Variants in L3MBTL2 observed in about 807,000 individuals in gnomAD.
The protein encoded by L3MBTL2 is lethal(3)malignant brain tumor-like protein 2.
L3MBTL2 carries 49 observed loss-of-function variants against 86.4 expected under a neutral mutation model. The ratio of observed to expected loss-of-function variants is 0.57; its 90% CI spans 0.45 to 0.72. The LOEUF (loss-of-function observed/expected upper bound fraction) is 0.72. Among genes scored for constraint, L3MBTL2 ranks in the 30% least tolerant of loss-of-function variants. L3MBTL2 has a pLI of 0.00. For missense variants in L3MBTL2, 755 were observed against 923.7 expected, an observed-to-expected ratio of 0.82 and a Z score of 2.37; for synonymous variants, 336 against 350.6, an observed-to-expected ratio of 0.96 and a Z score of 0.47.
chr22:41,228,558 TTGAG>T, intron 15 of L3MBTL2: 1 of 983,928 alleles, frequency 1.0e-6, no homozygotes, highest in Non-Finnish European at 1.2e-6. Context: ...AGGGTTAAGA[TTGAG>T]TGAGGCGGCC....
rs2032207983 is a variant in L3MBTL2 at position 41,226,714 on chromosome 22, G to A, written c.1557G>A (p.Ser519=). The change falls in exon 13 of 17, where the codon TCG becomes TCA. Residue 519 remains serine, a synonymous_variant. Transcript: ENST00000216237. ...NWENYLEKTK[S]KAAPSRLFNM... is the part of the protein sequence containing the mutation. ...AGAACTACTTGGAGAAGACCAAGTC[G>A]AAAGCCGCTCCATCGAGACTCTTTA... 3 of 1,613,978 alleles carry A rather than the reference G, an allele frequency of 1.9e-6. No homozygotes were observed. The highest frequency in any genetic ancestry group is 4.5e-5 in the East Asian group (2 of 44,892).
At position 41,205,336 on chromosome 22, in the gene L3MBTL2, G is replaced by C. The variant is rs2030110932; in HGVS notation, c.-27G>C. 6.2e-7 allele frequency: 1 copy of C among 1,613,988 alleles called. No homozygotes were observed. The highest frequency in any genetic ancestry group is 1.7e-5 in the Admixed American group (1 of 59,972). On this transcript the variant is annotated 5_prime_UTR_variant, in exon 1 of 17. Transcript: ENST00000216237. ...CAGGCCAATATGGCTTCCTGCACCT[G>C]GTGACGCTTGGCGAAACTGAGGTCT...
At chr22:41,220,406 A>G (rs1367284679) in intron 6 of L3MBTL2, among the ~76,000 whole-genome samples, 1 of 151,316 alleles carries the variant, frequency 6.6e-6, no homozygotes, top group African/African-American at 2.4e-5. Context: ...ACCTTCCCCA[A>G]GCTAGGCCCG....
chr22:41,221,182 T>C lies in L3MBTL2; in HGVS notation c.854-17T>C, dbSNP rs1171262683. The C allele has an allele frequency of 3.2e-6, 5 of 1,539,394 alleles. No homozygotes were observed. Among genetic ancestry groups the C allele is most frequent in the Non-Finnish European group, 4.4e-6 (5 of 1,137,334 alleles). Reference sequence around the variant, plus strand: ...TTGTCAGTCTGTGTAACCAGGATTCTGCTGGTGCCTCCACAGCCATCCATG... The same window carrying C: ...TTGTCAGTCTGTGTAACCAGGATTCCGCTGGTGCCTCCACAGCCATCCATG... On this transcript the variant is annotated splice_polypyrimidine_tract_variant and intron_variant, in intron 7 of 16. Coordinates refer to ENST00000216237, the MANE Select transcript of L3MBTL2 (RefSeq NM_031488.5).
chr22:41,230,449 G>A lies in L3MBTL2; in HGVS notation c.*198G>A, dbSNP rs2032524974. The stretch of plus-strand genomic sequence containing the variant: ...CCTGTTGCTTCTGCCCTCCCCTGTG[G>A]AAAGGTCTATATGACGGGCCGCCTG... On this transcript the variant is annotated 3_prime_UTR_variant, in exon 17 of 17. Coordinates refer to ENST00000216237, the MANE Select transcript of L3MBTL2 (RefSeq NM_031488.5). The A allele has an allele frequency of 2.9e-5, 17 of 582,914 alleles. No individual in the cohort carries two copies. In the South Asian group the frequency reaches 3.5e-4, roughly 12 times the overall value. 36.1% of individuals were successfully genotyped at this position (582,914 alleles called of 1,614,324 possible). A position where few individuals can be genotyped will look rare whatever the true frequency, so the allele number is the denominator to read the frequency against.
chr22:41,224,888 CT>C lies in L3MBTL2; in HGVS notation c.1252-76del. 2 of 1,557,234 alleles carry C rather than the reference CT, an allele frequency of 1.3e-6. No individual in the cohort carries two copies. The highest frequency in any genetic ancestry group is 1.8e-6 in the Non-Finnish European group (2 of 1,129,644). On this transcript the variant is annotated intron_variant, in intron 10 of 16. Transcript: ENST00000216237. This position sits in a 1 kb window ranked among gnomAD's most constrained non-coding sequence, Gnocchi z 4.9. ...CCTGGCTCTTCCCCTGGGACCATCCCTTTCCCTCCTGAGGCCTGCTTCCCTC... is the reference window on the plus strand; with the variant it reads ...CCTGGCTCTTCCCCTGGGACCATCCCTTCCCTCCTGAGGCCTGCTTCCCTC...
intron 8 of L3MBTL2, among the ~76,000 whole-genome samples, chr22:41,223,121 C>G (rs569490253): frequency 6.6e-6 from 1 of 152,168 alleles, no homozygotes; most frequent in African/African-American, 2.4e-5. Flanking sequence ...AGGACGTATC[C>G]CAAGCCCTTG....
In L3MBTL2 at chr22:41,225,084, C is replaced by T. The variant is rs1381041075; in HGVS notation, c.1356+13C>T. 1.2e-6 allele frequency: 2 copies of T among 1,604,196 alleles called. No individual in the cohort carries two copies. Among genetic ancestry groups the T allele is most frequent in the Non-Finnish European group, 8.5e-7 (1 of 1,172,888 alleles). ...AACTGTCTGTAAGGTGAGCCAGGGG[C>T]CGGCTCTCCAGCCTCCAGATTTCTG... On this transcript the variant is annotated intron_variant, in intron 11 of 16. Coordinates refer to ENST00000216237, the MANE Select transcript of L3MBTL2 (RefSeq NM_031488.5). The surrounding 1 kb of genome is among the most constrained non-coding windows in gnomAD (Gnocchi z 4.1).
chr22:41,206,635 A>G (rs2030236363), intron 1 of L3MBTL2, among the ~76,000 whole-genome samples: 2 of 151,916 alleles, frequency 1.3e-5, no homozygotes, highest in Admixed American at 6.6e-5. Flanking sequence ...CATCTCTACT[A>G]AAAATACAAA....
chr22:41,222,720 G>C (rs1202984178), intron 8 of L3MBTL2, among the ~76,000 whole-genome samples: 1 of 152,112 alleles, frequency 6.6e-6, no homozygotes, highest in Non-Finnish European at 1.5e-5. Context: ...AGGAGTTCCA[G>C]ACTAGCCTGG....
At chr22:41,229,813 C>T (rs2032459907) in intron 16 of L3MBTL2, 157 bp downstream of exon 16, 3 of 1,233,808 alleles carry the variant, frequency 2.4e-6, no homozygotes, top group Non-Finnish European at 2.3e-6. Flanking sequence ...CAGGGTGTTT[C>T]CCAGACACGC....
chr22:41,210,146 T>TTC (rs1198201286), intron 2 of L3MBTL2: 2 of 303,672 alleles, frequency 6.6e-6, no homozygotes, highest in African/African-American at 4.6e-5. Context: ...CTAATTTCTT[T>TTC]TTTTTTTTTT....
chr22:41,226,792 G>A, intron 13 of L3MBTL2, 48 bp downstream of exon 13: 1 of 1,327,138 alleles, frequency 7.5e-7, no homozygotes, highest in Non-Finnish European at 1.1e-6. Flanking sequence ...CCTCAGGACA[G>A]GCCCTGCCTG....
intron 8 of L3MBTL2, among the ~76,000 whole-genome samples, chr22:41,222,806 G>C (rs2031917588): frequency 6.6e-6 from 1 of 152,202 alleles, no homozygotes; most frequent in Non-Finnish European, 1.5e-5. Context: ...TGTAATCCCA[G>C]CTAACTCAGG....
chr22:41,226,636 T>G, intron 12 of L3MBTL2, 26 bp from the exon 13 acceptor site: 1 of 1,549,384 alleles, frequency 6.5e-7, no homozygotes, highest in South Asian at 1.1e-5. Context: ...CCTCTCCCTC[T>G]GCATCTGAGC....
chr22:41,217,234 G>A (rs772802399), intron 5 of L3MBTL2, 32 bp downstream of exon 5: 16 of 1,554,582 alleles, frequency 1.0e-5, no homozygotes, highest in African/African-American at 1.4e-5. Flanking sequence ...GAGGGAGGCC[G>A]GGGAGCCGGG....
chr22:41,227,164 G>C lies in L3MBTL2; in HGVS notation c.1663G>C (p.Val555Leu). 6.2e-7 allele frequency: 1 copy of C among 1,613,762 alleles called. No individual in the cohort carries two copies. The highest frequency in any genetic ancestry group is 1.1e-5 in the South Asian group (1 of 91,070). The change falls in exon 14 of 17, where the codon GTG (valine) becomes CTG (leucine). Residue 555 changes from valine (V) to leucine (L), a missense_variant. This residue lies in a region of L3MBTL2 where 634 missense variants were observed against 748.9 expected (regional missense o/e 0.85). Transcript: ENST00000216237. This position sits in a 1 kb window ranked among gnomAD's most constrained non-coding sequence, Gnocchi z 6.0. ...VDLMEPRLIC[V>L]ATVKRVVHRL... is the part of the protein sequence containing the mutation. ...CCTGATGGAGCCCCGGCTCATCTGT[G>C]TGGCCACGGTGAAACGAGTGGTGCA...
chr22:41,207,602 A>T (rs1386952908), intron 1 of L3MBTL2, among the ~76,000 whole-genome samples: 1 of 152,188 alleles, frequency 6.6e-6, no homozygotes, highest in African/African-American at 2.4e-5. Context: ...GACTTGCTGC[A>T]GGTCATACAG....
rs1377693265 is a variant in L3MBTL2 at position 41,224,186 on chromosome 22, T to G, written c.1109T>G (p.Met370Arg). ...AGTGACGACGACTTCTGGTGCCACATGTGGAGCCCCCTGATCCACCCAGTG... is the reference window on the plus strand; with the variant it reads ...AGTGACGACGACTTCTGGTGCCACAGGTGGAGCCCCCTGATCCACCCAGTG... Reference protein sequence around the residue: ...GDSDDDFWCHMWSPLIHPVGW... With the variant: ...GDSDDDFWCHRWSPLIHPVGW... The change falls in exon 9 of 17, where the codon ATG (methionine) becomes AGG (arginine). Residue 370 changes from methionine to arginine, a missense_variant. Met to Arg is a moderately conservative substitution (Grantham distance 91). Around this residue, in one of 3 missense-constraint regions of L3MBTL2, gnomAD observed 634 missense variants for 748.9 expected, o/e 0.85. Coordinates refer to ENST00000216237, the MANE Select transcript of L3MBTL2 (RefSeq NM_031488.5). The surrounding 1 kb of genome is among the most constrained non-coding windows in gnomAD (Gnocchi z 4.9). 1 of 1,613,966 alleles carries G rather than the reference T, an allele frequency of 6.2e-7. No homozygotes were observed. The highest frequency in any genetic ancestry group is 1.3e-5 in the African/African-American group (1 of 74,920).
Sources: gnomAD v4.1 joint callset for allele counts (sites outside exome capture counted in the v4.1 genomes callset) on GRCh38, gnomAD v4.1.1 for gene constraint, gnomAD v4.1.1 regional missense constraint, Gnocchi (gnomAD v3.1) non-coding constraint, MANE v1.5 for transcripts, NCBI Gene and HGNC (gene_info 2026-07-23, HGNC 2026-07-21) for gene names.